BZW1: variants seen among roughly 807,000 people sequenced by gnomAD.
The protein encoded by BZW1 is eIF5-mimic protein 2.
BZW1 carries 3 observed loss-of-function variants against 54.1 expected under a neutral mutation model. The observed-to-expected ratio is 0.06, with a 90% CI of 0.03 to 0.14. The LOEUF (loss-of-function observed/expected upper bound fraction) is 0.14. BZW1 is among the 10% of genes least tolerant of loss of function. The pLI is 1.00. For synonymous variants in BZW1, 152 were observed against 162.7 expected, an observed-to-expected ratio of 0.93 and a Z score of 0.50; for missense variants, 206 against 491.7, an observed-to-expected ratio of 0.42 and a Z score of 5.50.
Position 200,815,439 on chromosome 2 carries a change from G to C in BZW1, c.163G>C (p.Asp55His). 2 of 1,613,944 alleles carry C rather than the reference G, an allele frequency of 1.2e-6. No individual in the cohort carries two copies. The highest frequency in any genetic ancestry group is 8.5e-7 in the Non-Finnish European group (1 of 1,179,874). ...TTTGGAAGCAGTAGCTAAGTTTCTT[G>C]ATGCTTCTGGAGCAAAACTTGATTA... ...TDLEAVAKFL[D>H]ASGAKLDYRR... The change falls in exon 3 of 12, where the codon GAT becomes CAT. Residue 55 changes from aspartate to histidine, a missense_variant. By Grantham distance (81) the Asp-to-His change is moderately conservative. Coordinates refer to ENST00000409600, the MANE Select transcript of BZW1 (RefSeq NM_001207067.2).
chr2:200,812,939 G>A (rs567466557), intron 1 of BZW1: 5 of 669,936 alleles, frequency 7.5e-6, no homozygotes, highest in African/African-American at 7.1e-5. Flanking sequence ...GGTTTATGAC[G>A]GGTGATCACT....
At position 200,826,514 on chromosome 2, in the gene BZW1, T is replaced by G. The variant is rs1046445997; in HGVS notation, c.*4336T>G. 6 of 143,666 alleles carry G rather than the reference T, an allele frequency of 4.2e-5. No individual in the cohort carries two copies. The highest frequency in any genetic ancestry group is 1.5e-4 in the African/African-American group (6 of 39,018). 8.9% of individuals were successfully genotyped at this position (143,666 alleles called of 1,614,324 possible). ...ATCTCGGCTCACTGCAAGCTCCGCC[T>G]TGGGGGTTCACACCATTCTCCTGTC... On this transcript the variant is annotated 3_prime_UTR_variant, in exon 12 of 12. Coordinates refer to ENST00000409600, the MANE Select transcript of BZW1 (RefSeq NM_001207067.2).
At position 200,817,247 on chromosome 2, in the gene BZW1, C is replaced by T. The variant is rs1056808701; in HGVS notation, c.538+6C>T. On this transcript the variant is annotated splice_donor_region_variant and intron_variant, in intron 6 of 11. Coordinates refer to ENST00000409600, the MANE Select transcript of BZW1 (RefSeq NM_001207067.2). ...TGAAAATTTGGTTAAAGAAGGTAAT[C>T]AGCCTTAAAGGATGGTCTTCAGTTG... 3.7e-6 allele frequency: 6 copies of T among 1,611,818 alleles called. 1 individual carries two copies. In the African/African-American group the frequency reaches 5.3e-5, roughly 14 times the overall value.
intron 11 of BZW1, 143 bp downstream of exon 11, chr2:200,821,448 A>G: frequency 1.1e-6 from 1 of 924,776 alleles, no homozygotes; most frequent in Non-Finnish European, 1.6e-6. Flanking sequence ...GGCGAAAGCT[A>G]GAGTTTAATT....
At position 200,823,895 on chromosome 2, in the gene BZW1, T is replaced by C. The variant is rs2038618986; in HGVS notation, c.*1717T>C. On this transcript the variant is annotated 3_prime_UTR_variant, in exon 12 of 12. Coordinates refer to ENST00000409600, the MANE Select transcript of BZW1 (RefSeq NM_001207067.2). The stretch of plus-strand genomic sequence containing the variant: ...TCCATGTTAATACCTAGTGGTATTG[T>C]ATGTTGTGTGTTCAGATGTCTTTAC... 1 of 152,326 alleles carries C rather than the reference T, an allele frequency of 6.6e-6. No homozygotes were observed. Among genetic ancestry groups the C allele is most frequent in the Non-Finnish European group, 1.5e-5 (1 of 68,010 alleles). 9.4% of individuals were successfully genotyped at this position (152,326 alleles called of 1,614,324 possible). A position where few individuals can be genotyped will look rare whatever the true frequency, so the allele number is the denominator to read the frequency against.
In BZW1 at chr2:200,824,183, C is replaced by T. The variant is rs1394201387; in HGVS notation, c.*2005C>T. ...GTAGAACATTATAGTAAGTGGATAT[C>T]ACTTGTGACAGTAATAGTGTAAAGA... On this transcript the variant is annotated 3_prime_UTR_variant, in exon 12 of 12. Coordinates refer to ENST00000409600, the MANE Select transcript of BZW1 (RefSeq NM_001207067.2). The T allele has an allele frequency of 6.6e-6, 1 of 152,078 alleles. No homozygotes were observed. The highest frequency in any genetic ancestry group is 1.5e-5 in the Non-Finnish European group (1 of 68,012). 9.4% of individuals were successfully genotyped at this position (152,078 alleles called of 1,614,324 possible). A position where few individuals can be genotyped will look rare whatever the true frequency, so the allele number is the denominator to read the frequency against.
chr2:200,815,868 A>T (rs1211795131), intron 4 of BZW1, 107 bp downstream of exon 4: 7 of 1,141,126 alleles, frequency 6.1e-6, no homozygotes, highest in Non-Finnish European at 8.4e-6. Context: ...AAGGAATTTG[A>T]TTTTAAATTT....
Position 200,827,259 on chromosome 2 carries a change from TTAAC to T in BZW1, c.*5083_*5086del, listed in dbSNP as rs2038725670. 2 of 152,202 alleles carry T rather than the reference TTAAC, an allele frequency of 1.3e-5. No individual in the cohort carries two copies. The highest frequency in any genetic ancestry group is 4.8e-5 in the African/African-American group (2 of 41,448). The allele number at this position is 152,202 out of a possible 1,614,324, so 9.4% of individuals were successfully genotyped here. On this transcript the variant is annotated 3_prime_UTR_variant, in exon 12 of 12. Transcript: ENST00000409600. ...TTCTATTGCTGCGTTATTTCTGTGT[TTAAC>T]TGTGAAACTTGCTTCTTGTCTGTAC...
intron 1 of BZW1, chr2:200,812,571 T>C: frequency 7.1e-7 from 1 of 1,409,898 alleles, no homozygotes; most frequent in Non-Finnish European, 9.2e-7. Flanking sequence ...GCGGGTGATC[T>C]GTGGCTCGGG....
intron 4 of BZW1, 92 bp from the exon 5 acceptor site, chr2:200,816,233 G>A (rs932383818): frequency 4.9e-5 from 41 of 841,792 alleles, no homozygotes; most frequent in Non-Finnish European, 7.2e-5. Context: ...GCTGGTTTAA[G>A]CAGCTCATAA....
At chr2:200,820,963 G>C (rs1392241441) in intron 10 of BZW1, among the ~76,000 whole-genome samples, 1 of 152,212 alleles carries the variant, frequency 6.6e-6, no homozygotes, top group African/African-American at 2.4e-5. Context: ...ATCCATTGCA[G>C]TTGGTCATAA....
intron 9 of BZW1, among the ~76,000 whole-genome samples, 195 bp from the exon 10 acceptor site, chr2:200,819,787 C>T (rs942314914): frequency 2.0e-5 from 3 of 152,122 alleles, no homozygotes; most frequent in African/African-American, 4.8e-5. Context: ...CCACCCGCCT[C>T]GGCCTCCCAA....
chr2:200,824,349 A>T lies in BZW1; in HGVS notation c.*2171A>T, dbSNP rs1222192986. ...ATGTAATTCTTAATATAGATGTTAA[A>T]TTGTACTTTTAATTATGATTGGATA... On this transcript the variant is annotated 3_prime_UTR_variant, in exon 12 of 12. Transcript: ENST00000409600. The T allele has an allele frequency of 6.6e-6, 1 of 152,118 alleles. No individual in the cohort carries two copies. The highest frequency in any genetic ancestry group is 1.9e-4 in the East Asian group (1 of 5,200). 9.4% of individuals were successfully genotyped at this position (152,118 alleles called of 1,614,324 possible).
Position 200,821,271 on chromosome 2 carries a change from A to G in BZW1, c.1194A>G (p.Lys398=), listed in dbSNP as rs377197636. ...KGKSVFLEQM[K]KFVEWLKNAE... is the part of the protein sequence containing the mutation. Reference sequence around the variant, plus strand: ...AGAGTGTTTTCCTTGAGCAAATGAAAAAGTTTGTAGAATGGCTCAAAAATG... The same window carrying G: ...AGAGTGTTTTCCTTGAGCAAATGAAGAAGTTTGTAGAATGGCTCAAAAATG... Residue 398 remains lysine (K), a synonymous_variant, in exon 11 of 12, where the codon AAA becomes AAG. Coordinates refer to ENST00000409600, the MANE Select transcript of BZW1 (RefSeq NM_001207067.2). 4.0e-4 allele frequency: 642 copies of G among 1,613,404 alleles called. 1 individual carries two copies. Among genetic ancestry groups the G allele is most frequent in the Non-Finnish European group, 5.2e-4 (608 of 1,179,740 alleles).
chr2:200,817,267 C>G (rs1439932948), intron 6 of BZW1, 26 bp downstream of exon 6: 1 of 1,607,964 alleles, frequency 6.2e-7, no homozygotes, highest in Admixed American at 1.7e-5. Context: ...GGATGGTCTT[C>G]AGTTGACTCA....
At chr2:200,811,639 A>G (rs1384259903), upstream of BZW1, 1 of 152,128 alleles carries the variant, frequency 6.6e-6, no homozygotes, top group East Asian at 1.9e-4. Context: ...CGCTCTTCCA[A>G]CCCCTCCATG....
chr2:200,815,577 G>A (rs2038258704), intron 3 of BZW1, 60 bp downstream of exon 3: 2 of 1,601,446 alleles, frequency 1.2e-6, no homozygotes, highest in Admixed American at 1.7e-5. Flanking sequence ...TGGAGATTAT[G>A]GAGAGTCTAG....
intron 10 of BZW1, among the ~76,000 whole-genome samples, chr2:200,820,683 CA>C (rs1176605993): frequency 1.0e-3 from 149 of 143,560 alleles, no homozygotes; most frequent in East Asian, 1.0e-3. Flanking sequence ...GACCCTGTTT[CA>C]AAAAAAAAAA....
chr2:200,812,347 C>T, intron 1 of BZW1: 3 of 1,269,492 alleles, frequency 2.4e-6, no homozygotes, highest in Non-Finnish European at 2.0e-6. Flanking sequence ...GGCGGAGGGG[C>T]TGCCACCCAC....
Sources: gnomAD v4.1 joint callset for allele counts (sites outside exome capture counted in the v4.1 genomes callset) on GRCh38, gnomAD v4.1.1 for gene constraint, MANE v1.5 for transcripts, NCBI Gene and HGNC (gene_info 2026-07-23, HGNC 2026-07-21) for gene names.